TNRC6B: variants seen among roughly 807,000 people sequenced by gnomAD.
The protein encoded by TNRC6B is trinucleotide repeat-containing gene 6B protein.
In TNRC6B, 52 loss-of-function variants were observed where a neutral mutation model predicts 203.6. That is an observed-to-expected ratio of 0.26 (90% CI 0.20 to 0.32). The LOEUF (loss-of-function observed/expected upper bound fraction) is 0.32. TNRC6B is among the 10% of genes least tolerant of loss of function. The pLI is 1.00. For missense variants in TNRC6B, 1,923 were observed against 2,286.2 expected (o/e 0.84, Z 3.24); for synonymous variants, 838 against 845.7 (o/e 0.99, Z 0.16).
At chr22:40,051,109 C>T (rs1186363619) in intron 1 of TNRC6B, among the ~76,000 whole-genome samples, 2 of 152,208 alleles carry the variant, frequency 1.3e-5, no homozygotes, top group African/African-American at 4.8e-5. Context: ...AGGCGTGAGC[C>T]ACCGCACCCA....
chr22:40,313,968 A>G (rs1353966014), intron 19 of TNRC6B, among the ~76,000 whole-genome samples: 1 of 152,234 alleles, frequency 6.6e-6, no homozygotes, highest in Non-Finnish European at 1.5e-5. Context: ...TAAAGGAGAC[A>G]TCTCAATATT....
At chr22:40,207,620 C>G (rs965983400) in intron 1 of TNRC6B, among the ~76,000 whole-genome samples, 2 of 151,352 alleles carry the variant, frequency 1.3e-5, no homozygotes, top group African/African-American at 4.8e-5. Context: ...ATGCAGAACT[C>G]CTACTAATCA....
chr22:40,145,425 C>T (rs937129836), intron 3 of TNRC6B, among the ~76,000 whole-genome samples: 5 of 152,258 alleles, frequency 3.3e-5, no homozygotes, highest in African/African-American at 9.6e-5. Context: ...TATCAGCTGA[C>T]TTCTCAGCTT....
At chr22:40,259,459 T>C (rs1416977225) in intron 3 of TNRC6B, among the ~76,000 whole-genome samples, 2 of 152,134 alleles carry the variant, frequency 1.3e-5, no homozygotes, top group African/African-American at 2.4e-5. Context: ...CCTGACCCTG[T>C]GATCTACCCA....
intron 4 of TNRC6B, among the ~76,000 whole-genome samples, chr22:40,166,592 T>A (rs1601853736): frequency 6.6e-6 from 1 of 152,130 alleles, no homozygotes; most frequent in Non-Finnish European, 1.5e-5. Context: ...ATTGGTAACA[T>A]CATATAAATT....
chr22:40,236,891 A>T (rs939554185), intron 1 of TNRC6B, among the ~76,000 whole-genome samples: 2 of 152,182 alleles, frequency 1.3e-5, no homozygotes, highest in East Asian at 3.8e-4. Flanking sequence ...TTGGCCGGGC[A>T]TGGTGGCTCA....
chr22:40,088,862 A>G (rs1401204662), intron 1 of TNRC6B, among the ~76,000 whole-genome samples: 1 of 152,174 alleles, frequency 6.6e-6, no homozygotes, highest in African/African-American at 2.4e-5. Flanking sequence ...AGACTGCCTT[A>G]AATATGGTTG....
intron 12 of TNRC6B, among the ~76,000 whole-genome samples, chr22:40,298,879 T>G (rs1178767751): frequency 6.6e-6 from 1 of 151,340 alleles, no homozygotes; most frequent in African/African-American, 2.4e-5. Flanking sequence ...GGCAGGAGAA[T>G]GGCGTGAACC....
At chr22:40,254,391 A>G (rs901854349) in intron 3 of TNRC6B, among the ~76,000 whole-genome samples, 12 of 152,196 alleles carry the variant, frequency 7.9e-5, no homozygotes, top group Non-Finnish European at 1.8e-4. Context: ...ACCGTGGCAC[A>G]GGCGTGTAAT....
chr22:40,287,238 G>C (rs561617408), intron 12 of TNRC6B, among the ~76,000 whole-genome samples: 2 of 152,066 alleles, frequency 1.3e-5, no homozygotes, highest in Non-Finnish European at 2.9e-5. Context: ...CAAGCTCCTT[G>C]ACTCCAGCAG....
chr22:40,312,474 C>T (rs2071197798), intron 17 of TNRC6B, 31 bp from the exon 18 acceptor site: 1 of 1,589,912 alleles, frequency 6.3e-7, no homozygotes, highest in Non-Finnish European at 8.6e-7. Flanking sequence ...TAACGACCTT[C>T]CTTCTCTAAT....
intron 12 of TNRC6B, among the ~76,000 whole-genome samples, chr22:40,297,041 G>C (rs1413860958): frequency 6.6e-6 from 1 of 152,178 alleles, no homozygotes; most frequent in Non-Finnish European, 1.5e-5. Context: ...CAAGAAGATT[G>C]CTTTTGAGTA....
At chr22:40,203,716 ATTTTG>A (rs752597426) in intron 1 of TNRC6B, among the ~76,000 whole-genome samples, 61 of 152,138 alleles carry the variant, frequency 4.0e-4, no homozygotes, top group Non-Finnish European at 6.8e-4. Flanking sequence ...GCTTCTGCCA[ATTTTG>A]TTTTGTTTTG....
At chr22:40,203,311 G>C (rs1284870232) in intron 1 of TNRC6B, among the ~76,000 whole-genome samples, 1 of 152,078 alleles carries the variant, frequency 6.6e-6, no homozygotes, top group Non-Finnish European at 1.5e-5. Context: ...ATTCCCACCA[G>C]GGTTGTTTCT....
chr22:40,223,582 T>C (rs574644808), intron 1 of TNRC6B, among the ~76,000 whole-genome samples: 6 of 152,244 alleles, frequency 3.9e-5, no homozygotes, highest in African/African-American at 1.4e-4. Flanking sequence ...TGAAGACTTA[T>C]CTTCCTTAGT....
chr22:40,138,316 T>C (rs1568994914), intron 3 of TNRC6B, among the ~76,000 whole-genome samples: 2 of 152,206 alleles, frequency 1.3e-5, no homozygotes, highest in Non-Finnish European at 2.9e-5. Flanking sequence ...CTCAGACTAT[T>C]GTGTAGTGGT....
intron 3 of TNRC6B, among the ~76,000 whole-genome samples, chr22:40,261,147 T>G (rs2070376188): frequency 6.6e-6 from 1 of 151,790 alleles, no homozygotes; most frequent in Non-Finnish European, 1.5e-5. Context: ...TAGTTGGGCA[T>G]AGTGGTGTAT....
At chr22:40,045,819 C>G (rs2067683161) in intron 1 of TNRC6B, among the ~76,000 whole-genome samples, 1 of 152,196 alleles carries the variant, frequency 6.6e-6, no homozygotes, top group East Asian at 1.9e-4. Context: ...CACCTCTAGT[C>G]AAGCGCCTTA....
chr22:40,183,625 T>A (rs1357344468), intron 1 of TNRC6B, among the ~76,000 whole-genome samples: 1 of 152,066 alleles, frequency 6.6e-6, no homozygotes, highest in East Asian at 1.9e-4. Flanking sequence ...TACAGCGTTT[T>A]CTCCCTCATT....
Sources: allele counts gnomAD v4.1 joint callset (sites outside exome capture counted in the v4.1 genomes callset), GRCh38; gene constraint gnomAD v4.1.1; transcripts MANE v1.5; gene names NCBI Gene and HGNC (gene_info 2026-07-23, HGNC 2026-07-21).